The following DYRK1A variants were observed in gnomAD, a reference collection of about 807,000 sequenced individuals.
DYRK1A encodes the protein dual specificity tyrosine phosphorylation regulated kinase 1A, also known as dual specificity tyrosine-phosphorylation-regulated kinase 1A.
Under a neutral mutation model 79.7 loss-of-function variants are expected in DYRK1A, and 9 were observed. That is an observed-to-expected ratio of 0.11 (90% CI 0.07 to 0.20). DYRK1A has a LOEUF of 0.20. Among genes scored for constraint, DYRK1A ranks in the 10% least tolerant of loss-of-function variants. The pLI, the probability that DYRK1A is intolerant of heterozygous loss-of-function variation, is 1.00. For synonymous variants in DYRK1A, 349 were observed against 329.7 expected, an observed-to-expected ratio of 1.06 and a Z score of -0.63; for missense variants, 622 against 956.0, an observed-to-expected ratio of 0.65 and a Z score of 4.61.
At chr21:37,385,532 T>C (rs1159171191) in intron 1 of DYRK1A, among the ~76,000 whole-genome samples, 1 of 152,194 alleles carries the variant, frequency 6.6e-6, no homozygotes, top group East Asian at 1.9e-4. Context: ...CATCTTAACG[T>C]GTCATAACCA....
chr21:37,412,157 G>A (rs553977709), intron 1 of DYRK1A, among the ~76,000 whole-genome samples: 5 of 152,268 alleles, frequency 3.3e-5, no homozygotes, highest in Non-Finnish European at 5.9e-5. Context: ...TCTTGAAAAT[G>A]GATAGGCAAG....
At chr21:37,402,381 T>C (rs1236051514) in intron 1 of DYRK1A, among the ~76,000 whole-genome samples, 1 of 152,222 alleles carries the variant, frequency 6.6e-6, no homozygotes, top group African/African-American at 2.4e-5. Flanking sequence ...TCACTGAATG[T>C]AGAATTCTAG....
intron 1 of DYRK1A, among the ~76,000 whole-genome samples, chr21:37,391,018 T>C (rs1274752226): frequency 3.3e-5 from 5 of 152,218 alleles, no homozygotes; most frequent in Non-Finnish European, 5.9e-5. Flanking sequence ...AGATACAGAT[T>C]AGATGTCTCA....
chr21:37,427,761 C>T (rs1235731326), intron 2 of DYRK1A, among the ~76,000 whole-genome samples: 1 of 152,112 alleles, frequency 6.6e-6, no homozygotes, highest in African/African-American at 2.4e-5. Flanking sequence ...TTTTTCTGCA[C>T]CCTAGGATCC....
At chr21:37,494,672 G>A (rs1285935875) in intron 8 of DYRK1A, among the ~76,000 whole-genome samples, 1 of 152,028 alleles carries the variant, frequency 6.6e-6, no homozygotes, top group Admixed American at 6.6e-5. Flanking sequence ...ATAATGCCGG[G>A]CGCAGTGGCT....
intron 2 of DYRK1A, among the ~76,000 whole-genome samples, chr21:37,438,929 G>C (rs9974990): frequency 2.7e-5 from 4 of 150,192 alleles, no homozygotes; most frequent in Admixed American, 2.0e-4. Context: ...TACTTTAACT[G>C]TATTGATTTT....
chr21:37,479,594 G>GTTTTTTTTTTTT (rs1569361972), intron 4 of DYRK1A, among the ~76,000 whole-genome samples: 1 of 24,290 alleles, frequency 4.1e-5, no homozygotes, highest in African/African-American at 2.3e-4. Context: ...TTGGTGTTTT[G>GTTTTTTTTTTTT]TTTTTGTTTT....
chr21:37,513,762 C>T lies in DYRK1A; in HGVS notation c.*1231C>T, dbSNP rs2053827260. ...AGAATTTTATGTGACTGCTTTTTTG[C>T]CTCACAATTATGCTGTGAATTTTAC... On this transcript the variant is annotated 3_prime_UTR_variant, in exon 12 of 12. Coordinates refer to ENST00000647188, the MANE Select transcript of DYRK1A (RefSeq NM_001347721.2). 6.6e-6 allele frequency: 1 copy of T among 152,552 alleles called. No homozygotes were observed. Among genetic ancestry groups the T allele is most frequent in the Non-Finnish European group, 1.5e-5 (1 of 68,012 alleles). 9.4% of individuals were successfully genotyped at this position (152,552 alleles called of 1,614,324 possible). A position where few individuals can be genotyped will look rare whatever the true frequency, so the allele number is the denominator to read the frequency against.
chr21:37,460,051 G>A (rs2051786815), intron 2 of DYRK1A, among the ~76,000 whole-genome samples: 1 of 151,506 alleles, frequency 6.6e-6, no homozygotes, highest in African/African-American at 2.4e-5. Context: ...TGAGTATTTT[G>A]TATAAGCGAC....
rs1369378257 is a variant in DYRK1A, at chr21:37,367,607, C to T, written c.-98C>T. The T allele has an allele frequency of 2.7e-5, 4 of 146,658 alleles. No individual in the cohort carries two copies. Among genetic ancestry groups the T allele is most frequent in the Non-Finnish European group, 4.6e-5 (3 of 65,874 alleles). The allele number at this position is 146,658 out of a possible 1,614,324, so 9.1% of individuals were successfully genotyped here. A position where few individuals can be genotyped will look rare whatever the true frequency, so the allele number is the denominator to read the frequency against. ...CTGAGACTCACCGGAGGAAGCGGCG[C>T]GAGCGCCCCGCCATCGTCCCGGTGA... On this transcript the variant is annotated 5_prime_UTR_variant, in exon 1 of 12. Coordinates refer to ENST00000647188, the MANE Select transcript of DYRK1A (RefSeq NM_001347721.2).
intron 2 of DYRK1A, among the ~76,000 whole-genome samples, chr21:37,432,268 A>G (rs2050796329): frequency 6.6e-6 from 1 of 152,150 alleles, no homozygotes; most frequent in African/African-American, 2.4e-5. Context: ...AGAAGAGTAA[A>G]GAATAGTCCA....
chr21:37,471,601 GTAT>G (rs1369858778), intron 2 of DYRK1A, among the ~76,000 whole-genome samples: 21 of 152,168 alleles, frequency 1.4e-4, no homozygotes, highest in African/African-American at 4.1e-4. Flanking sequence ...TTTCAGGTAG[GTAT>G]TATTATCATT....
At chr21:37,428,726 T>G (rs940447551) in intron 2 of DYRK1A, 1 of 152,126 alleles carries the variant, frequency 6.6e-6, no homozygotes, top group Non-Finnish European at 1.5e-5. Context: ...AAATTTTGGC[T>G]TAGTGTAAGA....
At chr21:37,374,646 G>C in intron 1 of DYRK1A, among the ~76,000 whole-genome samples, 1 of 152,102 alleles carries the variant, frequency 6.6e-6, no homozygotes, top group Admixed American at 6.5e-5. Flanking sequence ...TCCGCCTCCT[G>C]GGTTCACGCC....
intron 2 of DYRK1A, among the ~76,000 whole-genome samples, chr21:37,458,241 G>A (rs978144126): frequency 3.4e-5 from 5 of 147,018 alleles, no homozygotes; most frequent in African/African-American, 7.5e-5. Flanking sequence ...TCAAGGGGGC[G>A]GTAGGGGAGG....
intron 1 of DYRK1A, among the ~76,000 whole-genome samples, chr21:37,373,661 G>A (rs2835706): frequency 6.6e-6 from 1 of 152,082 alleles, no homozygotes; most frequent in African/African-American, 2.4e-5. Flanking sequence ...AGGATTTTGG[G>A]AAGGCACATT....
intron 2 of DYRK1A, among the ~76,000 whole-genome samples, chr21:37,457,222 C>T (rs571236062): frequency 2.6e-5 from 4 of 151,896 alleles, no homozygotes; most frequent in Non-Finnish European, 4.4e-5. Flanking sequence ...CATGCCACCA[C>T]ACCTGGCTAA....
Position 37,524,820 on chromosome 21 carries a change from C to T in DYRK1A, c.*12289C>T, listed in dbSNP as rs909030625. The stretch of plus-strand genomic sequence containing the variant: ...TATTTTCAAAGCTGAGAAAACTGGT[C>T]AGGTGTGGCGGCTCATGCCTATAGT... On this transcript the variant is annotated 3_prime_UTR_variant, in exon 12 of 12. Transcript: ENST00000647188. 2.0e-5 allele frequency: 3 copies of T among 152,254 alleles called. No homozygotes were observed. The highest frequency in any genetic ancestry group is 7.2e-5 in the African/African-American group (3 of 41,460). The allele number at this position is 152,254 out of a possible 1,614,324, so 9.4% of individuals were successfully genotyped here.
intron 1 of DYRK1A, among the ~76,000 whole-genome samples, chr21:37,396,106 A>G (rs2049955502): frequency 6.6e-6 from 1 of 152,098 alleles, no homozygotes; most frequent in Non-Finnish European, 1.5e-5. Context: ...GGTGGACCAC[A>G]GGTCCCTGTG....
Sources: allele counts gnomAD v4.1 joint callset (sites outside exome capture counted in the v4.1 genomes callset), GRCh38; gene constraint gnomAD v4.1.1; transcripts MANE v1.5; gene names NCBI Gene and HGNC (gene_info 2026-07-23, HGNC 2026-07-21).